Variants in CDH13 observed in about 807,000 individuals in gnomAD.
CDH13 encodes cadherin 13.
A neutral mutation model predicts 63.8 loss-of-function variants in CDH13; 24 were observed. That is an observed-to-expected ratio of 0.38 (90% CI 0.27 to 0.53). CDH13 has a LOEUF of 0.53. Among genes scored for constraint, CDH13 ranks in the 20% least tolerant of loss-of-function variants. CDH13 has a pLI of 0.85. For synonymous variants in CDH13, 503 were observed against 355.3 expected, an observed-to-expected ratio of 1.42 and a Z score of -4.67; for missense variants, 1,049 against 903.1, an observed-to-expected ratio of 1.16 and a Z score of -2.07.
intron 10 of CDH13, among the ~76,000 whole-genome samples, chr16:83,696,230 T>A (rs969567680): frequency 1.3e-5 from 2 of 152,172 alleles, no homozygotes; most frequent in African/African-American, 4.8e-5. Context: ...CTTTCCTTTG[T>A]TTTGCAAGAG....
intron 7 of CDH13, among the ~76,000 whole-genome samples, chr16:83,513,716 C>T (rs373274554): frequency 6.6e-6 from 1 of 152,236 alleles, no homozygotes; most frequent in East Asian, 1.9e-4. Flanking sequence ...GATCCAATTA[C>T]CTCTCACCAG....
At chr16:83,216,449 A>AG (rs2039532664) in intron 4 of CDH13, among the ~76,000 whole-genome samples, 1 of 28,744 alleles carries the variant, frequency 3.5e-5, no homozygotes, top group African/African-American at 8.6e-5. Context: ...TATATACACA[A>AG]CCCTAATTTG....
chr16:82,896,881 C>T (rs1362254541), intron 2 of CDH13, among the ~76,000 whole-genome samples: 1 of 141,992 alleles, frequency 7.0e-6, no homozygotes. Context: ...CCCAGGTTCA[C>T]AGCATTCTCC....
At chr16:82,884,360 T>G (rs2040810343) in intron 2 of CDH13, 6 of 369,534 alleles carry the variant, frequency 1.6e-5, no homozygotes. Flanking sequence ...GATTCAGTTC[T>G]TCTAACCAGG....
intron 4 of CDH13, among the ~76,000 whole-genome samples, chr16:83,128,402 G>A (rs762840277): frequency 6.6e-6 from 1 of 152,158 alleles, no homozygotes; most frequent in Non-Finnish European, 1.5e-5. Flanking sequence ...AGGAATCTGC[G>A]TTTTTACACA....
chr16:83,206,667 A>C (rs1447053455), intron 4 of CDH13, among the ~76,000 whole-genome samples: 3 of 152,276 alleles, frequency 2.0e-5, no homozygotes, highest in Non-Finnish European at 4.4e-5. Flanking sequence ...CTAGGACCAC[A>C]GAGTCTAATC....
chr16:83,113,200 G>T (rs2035145069), intron 3 of CDH13, among the ~76,000 whole-genome samples: 1 of 152,220 alleles, frequency 6.6e-6, no homozygotes, highest in Admixed American at 6.5e-5. Context: ...ACTTCACAAA[G>T]CATTGAGCAC....
intron 4 of CDH13, among the ~76,000 whole-genome samples, chr16:83,177,345 A>G (rs1422620948): frequency 3.3e-5 from 5 of 152,178 alleles, no homozygotes; most frequent in Non-Finnish European, 7.4e-5. Flanking sequence ...CAAATCTCCA[A>G]TGATAGTCTG....
intron 3 of CDH13, among the ~76,000 whole-genome samples, chr16:83,106,398 G>A (rs1412552304): frequency 2.6e-5 from 4 of 152,116 alleles, no homozygotes; most frequent in Admixed American, 6.5e-5. Flanking sequence ...AAAATTAGCT[G>A]GGCATGGTGG....
rs563542354 is a variant in CDH13, at chr16:82,665,819, G to A, written c.45+38682G>A. The stretch of plus-strand genomic sequence containing the variant: ...CTTTATATGTGCTTAGAGCACTTGC[G>A]TTAGCCTACAGGAGGGCAAAATCAT... On this transcript the variant is annotated intron_variant, in intron 1 of 13. Coordinates refer to ENST00000567109, the MANE Select transcript of CDH13 (RefSeq NM_001257.5). Among the ~76,000 whole-genome samples the A allele has an allele frequency of 1.7e-4, 26 of 152,180 alleles. No homozygotes were observed. The South Asian group carries it at 3.7e-3, about 22-fold the overall frequency.
At chr16:83,006,057 C>A (rs1913459769) in intron 2 of CDH13, among the ~76,000 whole-genome samples, 3 of 152,100 alleles carry the variant, frequency 2.0e-5, no homozygotes, top group Admixed American at 2.0e-4. Flanking sequence ...ATTTCATGTC[C>A]TTAAGGTTGG....
chr16:83,119,591 T>G (rs1389294316), intron 3 of CDH13, among the ~76,000 whole-genome samples: 1 of 152,242 alleles, frequency 6.6e-6, no homozygotes, highest in Non-Finnish European at 1.5e-5. Flanking sequence ...TCTCTTGAAT[T>G]GATTACATTA....
At chr16:83,201,161 G>T (rs1049265961) in intron 4 of CDH13, among the ~76,000 whole-genome samples, 5 of 151,898 alleles carry the variant, frequency 3.3e-5, no homozygotes, top group African/African-American at 9.7e-5. Flanking sequence ...CTGACCATAT[G>T]GTCTCTCATT....
intron 1 of CDH13, among the ~76,000 whole-genome samples, chr16:82,686,742 G>A (rs1006375128): frequency 6.6e-6 from 1 of 152,138 alleles, no homozygotes; most frequent in African/African-American, 2.4e-5. Flanking sequence ...ATGCACAGGG[G>A]AAATAGAGTG....
chr16:83,364,086 A>G (rs773851689), intron 6 of CDH13, among the ~76,000 whole-genome samples: 1 of 152,230 alleles, frequency 6.6e-6, no homozygotes, highest in East Asian at 1.9e-4. Context: ...GAATGAATTA[A>G]CATGTTATAT....
At chr16:83,667,841 T>A (rs994608441) in intron 8 of CDH13, among the ~76,000 whole-genome samples, 1 of 151,868 alleles carries the variant, frequency 6.6e-6, no homozygotes, top group Non-Finnish European at 1.5e-5. Context: ...ACATTTTTTT[T>A]TAGAGAGATG....
chr16:83,292,619 A>G (rs1320834856), intron 5 of CDH13, among the ~76,000 whole-genome samples: 1 of 152,008 alleles, frequency 6.6e-6, no homozygotes, highest in African/African-American at 2.4e-5. Context: ...CCCATCACAC[A>G]CTCTCACTAA....
chr16:83,089,018 A>T (rs1482450071), intron 3 of CDH13, among the ~76,000 whole-genome samples: 1 of 152,196 alleles, frequency 6.6e-6, no homozygotes, highest in African/African-American at 2.4e-5. Context: ...GTGGATTACA[A>T]TGCCTAAAAT....
At chr16:83,684,991 G>T (rs547250518) in intron 10 of CDH13, among the ~76,000 whole-genome samples, 8 of 152,080 alleles carry the variant, frequency 5.3e-5, no homozygotes, top group Admixed American at 1.3e-4. Flanking sequence ...ATTTTACCAC[G>T]TCTAGGCTGG....
Sources: gnomAD v4.1 joint callset for allele counts (sites outside exome capture counted in the v4.1 genomes callset) on GRCh38, gnomAD v4.1.1 for gene constraint, MANE v1.5 for transcripts, NCBI Gene and HGNC (gene_info 2026-07-23, HGNC 2026-07-21) for gene names.